SLC25A46: variants seen among roughly 807,000 people sequenced by gnomAD.
SLC25A46 encodes the protein solute carrier family 25 member 46.
Under a neutral mutation model 44.6 loss-of-function variants are expected in SLC25A46, and 39 were observed. The ratio of observed to expected loss-of-function variants is 0.87; its 90% CI spans 0.68 to 1.14. SLC25A46 has a LOEUF of 1.14. SLC25A46 is among the 50% of genes most tolerant of loss of function. SLC25A46 has a pLI of 0.00. For synonymous variants in SLC25A46, 202 were observed against 185.8 expected (o/e 1.09, Z -0.71); for missense variants, 547 against 522.7 (o/e 1.05, Z -0.45).
chr5:110,738,799 A>T, upstream of SLC25A46: 1 of 467,376 alleles, frequency 2.1e-6, no homozygotes, highest in Non-Finnish European at 3.6e-6. Context: ...CCCTATTCCT[A>T]CACCAGTTCT....
intron 3 of SLC25A46, 147 bp downstream of exon 3, chr5:110,743,934 T>G (rs1799751260): frequency 1.9e-6 from 1 of 515,396 alleles, no homozygotes; most frequent in Non-Finnish European, 3.4e-6. Flanking sequence ...TTTAAAGTCT[T>G]AAAAAAATAT....
chr5:110,744,547 CAT>C (rs1799770196), intron 3 of SLC25A46, among the ~76,000 whole-genome samples: 1 of 152,114 alleles, frequency 6.6e-6, no homozygotes, highest in Admixed American at 6.5e-5. Context: ...ATCAAAAAAT[CAT>C]CTTCATTAAA....
chr5:110,745,186 C>A (rs1222134882), intron 3 of SLC25A46, among the ~76,000 whole-genome samples: 1 of 152,088 alleles, frequency 6.6e-6, no homozygotes, highest in African/African-American at 2.4e-5. Context: ...ACTTGTCAAG[C>A]CCCTGAAAGG....
In SLC25A46 at chr5:110,764,838, C is replaced by T. The variant is rs1800349968; in HGVS notation, c.*3056C>T. 6.6e-6 allele frequency: 1 copy of T among 151,936 alleles called. No individual in the cohort carries two copies. The highest frequency in any genetic ancestry group is 6.6e-5 in the Admixed American group (1 of 15,210). 9.4% of individuals were successfully genotyped at this position (151,936 alleles called of 1,614,324 possible). On this transcript the variant is annotated 3_prime_UTR_variant, in exon 8 of 8. Coordinates refer to ENST00000355943, the MANE Select transcript of SLC25A46 (RefSeq NM_138773.4). ...ATAAGCAAATAAGATCTCTTGGTAACAATTGACATTGCACTAGAATTTGAA... is the reference window on the plus strand; with the variant it reads ...ATAAGCAAATAAGATCTCTTGGTAATAATTGACATTGCACTAGAATTTGAA...
At chr5:110,760,908 C>A (rs1167399525) in intron 7 of SLC25A46, among the ~76,000 whole-genome samples, 1 of 152,048 alleles carries the variant, frequency 6.6e-6, no homozygotes, top group African/African-American at 2.4e-5. Context: ...TTAAGCGTTA[C>A]ATAGTTATTG....
intron 5 of SLC25A46, chr5:110,755,222 G>T: frequency 3.3e-6 from 1 of 299,590 alleles, no homozygotes; most frequent in South Asian, 7.8e-5. Flanking sequence ...AATCAGTTGT[G>T]CCTCTTGCTT....
At chr5:110,757,555 T>C (rs189495851) in intron 7 of SLC25A46, among the ~76,000 whole-genome samples, 9 of 152,268 alleles carry the variant, frequency 5.9e-5, no homozygotes, top group Admixed American at 5.9e-4. Flanking sequence ...TTCTACCTTG[T>C]TTCTTTTCTG....
At chr5:110,750,924 G>C (rs1159619983) in intron 5 of SLC25A46, among the ~76,000 whole-genome samples, 2 of 152,102 alleles carry the variant, frequency 1.3e-5, no homozygotes, top group Non-Finnish European at 2.9e-5. Context: ...GAAGAAAAAA[G>C]AAAAATAGGA....
At position 110,762,271 on chromosome 5, in the gene SLC25A46, A is replaced by G; in HGVS notation, c.*489A>G. On this transcript the variant is annotated 3_prime_UTR_variant, in exon 8 of 8. Coordinates refer to ENST00000355943, the MANE Select transcript of SLC25A46 (RefSeq NM_138773.4). ...GTCATTATTGAAAAAGACTTAAGGGATGATTAGACTTGGCAATCTGTAAGC... is the reference window on the plus strand; with the variant it reads ...GTCATTATTGAAAAAGACTTAAGGGGTGATTAGACTTGGCAATCTGTAAGC... 1 of 154,152 alleles carries G rather than the reference A, an allele frequency of 6.5e-6. No individual in the cohort carries two copies. The highest frequency in any genetic ancestry group is 3.4e-3 in the Middle Eastern group (1 of 292). The allele number at this position is 154,152 out of a possible 1,614,324, so 9.5% of individuals were successfully genotyped here.
intron 7 of SLC25A46, among the ~76,000 whole-genome samples, chr5:110,758,845 A>G (rs1394223898): frequency 2.0e-5 from 3 of 152,130 alleles, no homozygotes; most frequent in Non-Finnish European, 2.9e-5. Context: ...TTAAAAGTCA[A>G]TACTCATACA....
rs138260858 is a variant in SLC25A46, at chr5:110,760,945, T to A, written c.679-259T>A. Among the ~76,000 whole-genome samples the A allele has an allele frequency of 0.019, 2,899 of 152,136 alleles. 80 individuals carry two copies. Among genetic ancestry groups the A allele is most frequent in the African/African-American group, 0.067 (2,778 of 41,512 alleles). On this transcript the variant is annotated intron_variant, in intron 7 of 7. Transcript: ENST00000355943. ...CTTTCCATGTGAGTTCTAAGAAGTT[T>A]CTTGAGATGTATCCACCTACACATC... is the stretch of plus-strand genomic sequence containing the variant.
chr5:110,758,970 T>C (rs1054352587), intron 7 of SLC25A46, among the ~76,000 whole-genome samples: 1 of 152,102 alleles, frequency 6.6e-6, no homozygotes, highest in Non-Finnish European at 1.5e-5. Flanking sequence ...TAAACCAAGG[T>C]TTTAATTACA....
chr5:110,751,606 A>G (rs1799970766), intron 5 of SLC25A46, among the ~76,000 whole-genome samples: 1 of 152,228 alleles, frequency 6.6e-6, no homozygotes, highest in Admixed American at 6.5e-5. Flanking sequence ...TTTGTTTTCA[A>G]AGGGTCATTG....
At position 110,760,693 on chromosome 5, in the gene SLC25A46, AG is replaced by A. The variant is rs370876597; in HGVS notation, c.679-510del. ...GTGGTAATAAGACTAACATTTATTGAGTGACTCCTGAGTGCCAAGCCTTTTT... is the reference window on the plus strand; with the variant it reads ...GTGGTAATAAGACTAACATTTATTGATGACTCCTGAGTGCCAAGCCTTTTT... On this transcript the variant is annotated intron_variant, in intron 7 of 7. Transcript: ENST00000355943. Among the ~76,000 whole-genome samples the A allele has an allele frequency of 2.7e-3, 404 of 152,262 alleles. 2 individuals are homozygous for A. Among genetic ancestry groups the A allele is most frequent in the African/African-American group, 9.3e-3 (388 of 41,566 alleles).
At chr5:110,758,832 A>T (rs1200181872) in intron 7 of SLC25A46, among the ~76,000 whole-genome samples, 2 of 152,056 alleles carry the variant, frequency 1.3e-5, no homozygotes, top group African/African-American at 4.8e-5. Flanking sequence ...TAGTCTCCAC[A>T]TTTTAAAAGT....
At chr5:110,738,969 C>T, upstream of SLC25A46, 6 of 1,448,946 alleles carry the variant, frequency 4.1e-6, no homozygotes, top group Middle Eastern at 5.0e-4. Flanking sequence ...TCACGTGCTC[C>T]GAAGACTTCC....
chr5:110,758,655 G>A (rs918984224), intron 7 of SLC25A46, among the ~76,000 whole-genome samples: 12 of 151,828 alleles, frequency 7.9e-5, no homozygotes, highest in Admixed American at 6.6e-4. Flanking sequence ...GGTAGTGGGC[G>A]CCTGTTGTCC....
intron 5 of SLC25A46, chr5:110,753,253 T>C (rs567074064): frequency 6.6e-6 from 1 of 151,266 alleles, no homozygotes; most frequent in Admixed American, 6.6e-5. Flanking sequence ...CTAGGATTGA[T>C]GAAGAGAGGT....
At chr5:110,738,164 G>C, upstream of SLC25A46, 3 of 1,215,512 alleles carry the variant, frequency 2.5e-6, no homozygotes, top group Non-Finnish European at 3.2e-6. Context: ...ACGAGTTGAA[G>C]GAACATAGGA....
Sources: gnomAD v4.1 joint callset for allele counts (sites outside exome capture counted in the v4.1 genomes callset) on GRCh38, gnomAD v4.1.1 for gene constraint, MANE v1.5 for transcripts, NCBI Gene and HGNC (gene_info 2026-07-23, HGNC 2026-07-21) for gene names.